NEDD1: variants seen among roughly 807,000 people sequenced by gnomAD.
The protein encoded by NEDD1 is NEDD1 gamma-tubulin ring complex targeting factor.
Under a neutral mutation model 74.0 loss-of-function variants are expected in NEDD1, and 33 were observed. The ratio of observed to expected loss-of-function variants is 0.45; its 90% CI spans 0.34 to 0.60. NEDD1 has a LOEUF of 0.60. NEDD1 is among the 20% of genes least tolerant of loss of function. The pLI, the probability that NEDD1 is intolerant of heterozygous loss-of-function variation, is 0.01. For synonymous variants in NEDD1, 250 were observed against 264.4 expected (o/e 0.95, Z 0.53); for missense variants, 746 against 776.5 (o/e 0.96, Z 0.47).
chr12:96,948,135 A>C (rs1878374153), intron 14 of NEDD1, among the ~76,000 whole-genome samples: 1 of 152,096 alleles, frequency 6.6e-6, no homozygotes, highest in African/African-American at 2.4e-5. Flanking sequence ...GAGAGCCTGG[A>C]GTGCCTTAGA....
chr12:96,930,156 AACACACACACACACACACAC>A (rs61405089), intron 6 of NEDD1, among the ~76,000 whole-genome samples: 11,288 of 93,422 alleles, frequency 0.12, 803 homozygotes, highest in South Asian at 0.19. Flanking sequence ...TCTGTTGTAA[AACACACACACACACACACAC>A]ACACACACAC....
At chr12:96,948,656 A>G (rs991369642) in intron 14 of NEDD1, among the ~76,000 whole-genome samples, 3 of 152,198 alleles carry the variant, frequency 2.0e-5, no homozygotes, top group East Asian at 1.9e-4. Flanking sequence ...TCTGTTGTCT[A>G]TTAAGAAGAT....
intron 9 of NEDD1, among the ~76,000 whole-genome samples, chr12:96,938,024 A>G (rs1479774513): frequency 6.6e-6 from 1 of 152,112 alleles, no homozygotes; most frequent in Non-Finnish European, 1.5e-5. Context: ...GAAAGTCTAC[A>G]TGGTATACTA....
intron 6 of NEDD1, among the ~76,000 whole-genome samples, chr12:96,923,518 C>T (rs2136539487): frequency 6.6e-6 from 1 of 152,072 alleles, no homozygotes; most frequent in Non-Finnish European, 1.5e-5. Flanking sequence ...CATTATCTGT[C>T]TTATTTTTGC....
intron 1 of NEDD1, 94 bp downstream of exon 1, chr12:96,907,394 G>C (rs1873429307): frequency 2.1e-6 from 1 of 479,706 alleles, no homozygotes. Context: ...CCCTCAGAGG[G>C]CGGGGCGGCG....
chr12:96,932,999 C>CTT (rs759478137), intron 6 of NEDD1, among the ~76,000 whole-genome samples: 6 of 135,236 alleles, frequency 4.4e-5, no homozygotes, highest in East Asian at 4.2e-4. Context: ...TATCTTTAGC[C>CTT]TTTTTTTTTT....
At chr12:96,913,671 C>T (rs1874153148) in intron 4 of NEDD1, among the ~76,000 whole-genome samples, 1 of 152,168 alleles carries the variant, frequency 6.6e-6, no homozygotes, top group Non-Finnish European at 1.5e-5. Flanking sequence ...CACACCCAGC[C>T]TATCCTTTTG....
intron 9 of NEDD1, among the ~76,000 whole-genome samples, chr12:96,939,070 A>T (rs1315907757): frequency 2.0e-5 from 3 of 152,022 alleles, no homozygotes; most frequent in Non-Finnish European, 2.9e-5. Context: ...TATGGTGTTG[A>T]TACTATCATT....
intron 4 of NEDD1, among the ~76,000 whole-genome samples, chr12:96,914,271 T>C (rs548048534): frequency 6.6e-6 from 1 of 152,346 alleles, no homozygotes; most frequent in South Asian, 2.1e-4. Context: ...ACTATATATA[T>C]GTACTACTGT....
chr12:96,907,741 C>G lies in NEDD1; in HGVS notation c.-124C>G. The stretch of plus-strand genomic sequence containing the variant: ...TGAATTGGTTCCTGTAGCCGCTGTC[C>G]CTAAACCCAGGCCGACGTTACCGCC... On this transcript the variant is annotated 5_prime_UTR_variant, in exon 2 of 16. Transcript: ENST00000266742. 2.6e-6 allele frequency: 4 copies of G among 1,544,572 alleles called. 1 individual carries two copies. In the African/African-American group the frequency reaches 4.1e-5, roughly 16 times the overall value.
chr12:96,909,645 A>G, intron 2 of NEDD1, 107 bp from the exon 3 acceptor site: 1 of 876,330 alleles, frequency 1.1e-6, no homozygotes, highest in South Asian at 1.8e-5. Context: ...TGTTTGGAAC[A>G]AAAATGAATG....
chr12:96,932,461 A>ATATATATATATAT (rs60535832), intron 6 of NEDD1, among the ~76,000 whole-genome samples: 3 of 12,258 alleles, frequency 2.4e-4, no homozygotes, highest in African/African-American at 7.2e-4. Flanking sequence ...AAAAAAAAAA[A>ATATATATATATAT]AAATATATAT....
intron 6 of NEDD1, among the ~76,000 whole-genome samples, chr12:96,923,712 G>T (rs1875360362): frequency 6.6e-6 from 1 of 151,782 alleles, no homozygotes; most frequent in African/African-American, 2.4e-5. Context: ...ATTGCAGGTA[G>T]ATTCATTTTG....
intron 4 of NEDD1, among the ~76,000 whole-genome samples, chr12:96,916,426 C>A (rs1370802043): frequency 9.4e-6 from 1 of 106,436 alleles, no homozygotes; most frequent in Non-Finnish European, 1.8e-5. Context: ...CCACCACAGT[C>A]CCCAGAGTGT....
intron 7 of NEDD1, among the ~76,000 whole-genome samples, chr12:96,935,899 T>C (rs1003547535): frequency 7.9e-5 from 12 of 152,126 alleles, no homozygotes; most frequent in Admixed American, 2.0e-4. Flanking sequence ...CTGTAGATCA[T>C]GTGGAGTATG....
intron 4 of NEDD1, among the ~76,000 whole-genome samples, chr12:96,915,679 A>G (rs1874363978): frequency 1.3e-5 from 2 of 152,208 alleles, no homozygotes; most frequent in African/African-American, 2.4e-5. Flanking sequence ...AAAAAATGCA[A>G]CACTGTTCTG....
Position 96,912,794 on chromosome 12 carries a change from C to T in NEDD1, c.208C>T (p.Pro70Ser). The change falls in exon 4 of 16, where the codon CCA (proline) becomes TCA (serine). Residue 70 changes from proline to serine, a missense_variant. This residue lies in a region of NEDD1 where 706 missense variants were observed against 706.7 expected (regional missense o/e 1.00). Transcript: ENST00000266742. The part of the protein sequence containing the change: ...VVSSCKCKPV[P>S]LLELAEGQKQ... ...CTCAAGTTGCAAATGTAAACCTGTT[C>T]CACTTTTAGAGCTTGCTGAAGGGGT... 1 of 1,600,726 alleles carries T rather than the reference C, an allele frequency of 6.2e-7. No individual in the cohort carries two copies. Among genetic ancestry groups the T allele is most frequent in the Non-Finnish European group, 8.6e-7 (1 of 1,169,544 alleles).
chr12:96,951,419 A>G lies in NEDD1; in HGVS notation c.1812-13A>G. 6.7e-7 allele frequency: 1 copy of G among 1,487,756 alleles called. No individual in the cohort carries two copies. Among genetic ancestry groups the G allele is most frequent in the Admixed American group, 1.8e-5 (1 of 55,458 alleles). 92.2% of individuals were successfully genotyped at this position (1,487,756 alleles called of 1,614,324 possible). The stretch of plus-strand genomic sequence containing the variant: ...CTATTGTAATTCTAAAAAGTATTTT[A>G]CATTCTTCCTAGAGAAGCATGCCAT... On this transcript the variant is annotated splice_polypyrimidine_tract_variant and intron_variant, in intron 14 of 15. Transcript: ENST00000266742.
In NEDD1 at chr12:96,929,624, T is replaced by TATATA. The variant is rs34602531; in HGVS notation, c.490-5352_490-5351insATATA. On this transcript the variant is annotated intron_variant, in intron 6 of 15. Transcript: ENST00000266742. ...ACATATGTGTATATATATATATATA[T>TATATA]TTTTTTTTTAATGGCTGCTTGCTTT... is the stretch of plus-strand genomic sequence containing the variant. 3.3e-3 allele frequency among the ~76,000 whole-genome samples: 410 copies of TATATA among 125,320 alleles called. 8 individuals are homozygous for TATATA. The highest frequency in any genetic ancestry group is 0.013 in the African/African-American group (365 of 28,828). The allele number at this position is 125,320 out of a possible 152,430, so 82.2% of individuals were successfully genotyped here.
Sources: allele counts gnomAD v4.1 joint callset (sites outside exome capture counted in the v4.1 genomes callset), GRCh38; gene constraint gnomAD v4.1.1; regional missense constraint gnomAD v4.1.1; transcripts MANE v1.5; gene names NCBI Gene and HGNC (gene_info 2026-07-23, HGNC 2026-07-21).